Variants in MMD2 observed in about 807,000 individuals in gnomAD.
MMD2 encodes the protein monocyte to macrophage differentiation factor 2.
Under a neutral mutation model 33.5 loss-of-function variants are expected in MMD2, and 30 were observed. The observed-to-expected ratio is 0.90, with a 90% CI of 0.67 to 1.22. MMD2 has a LOEUF of 1.22. Among genes scored for constraint, MMD2 ranks in the 50% most tolerant of loss-of-function variants. The pLI is 0.00. For synonymous variants in MMD2, 129 were observed against 123.0 expected (o/e 1.05, Z -0.32); for missense variants, 364 against 325.4 (o/e 1.12, Z -0.91).
rs560237234 is a variant in MMD2, at chr7:4,946,226, T to C, written c.47+12745A>G. Among the ~76,000 whole-genome samples the C allele has an allele frequency of 1.1e-4, 16 of 145,624 alleles. No individual in the cohort carries two copies. The highest frequency in any genetic ancestry group is 7.5e-4 in the Admixed American group (11 of 14,616). On this transcript the variant is annotated intron_variant, in intron 1 of 6. Transcript: ENST00000401401. This position sits in a 1 kb window ranked among gnomAD's most constrained non-coding sequence, Gnocchi z 5.0. ...ACACGCATGCACACACATGCACACA[T>C]ACACGCACACACACGCACACCCCAC...
At chr7:4,930,741 G>T (rs1785560768) in intron 1 of MMD2, among the ~76,000 whole-genome samples, 1 of 152,142 alleles carries the variant, frequency 6.6e-6, no homozygotes, top group Non-Finnish European at 1.5e-5. Flanking sequence ...CAGAGATTGT[G>T]GCAATGCGAA....
Position 4,946,670 on chromosome 7 carries a change from G to T in MMD2, c.47+12301C>A, listed in dbSNP as rs146196963. ...ATCAACCTAGCACCACGGGTGGCAGGTCTACCAGATATCTCCCAGTAAGAT... is the reference window on the plus strand; with the variant it reads ...ATCAACCTAGCACCACGGGTGGCAGTTCTACCAGATATCTCCCAGTAAGAT... On this transcript the variant is annotated intron_variant, in intron 1 of 6. Coordinates refer to ENST00000401401, the MANE Select transcript of MMD2 (RefSeq NM_198403.4). The surrounding 1 kb of genome is among the most constrained non-coding windows in gnomAD (Gnocchi z 5.0). 2.4e-3 allele frequency among the ~76,000 whole-genome samples: 368 copies of T among 152,218 alleles called. 1 individual carries two copies. The highest frequency in any genetic ancestry group is 8.3e-3 in the African/African-American group (345 of 41,532).
chr7:4,909,417 G>T (rs1306105726), intron 6 of MMD2, among the ~76,000 whole-genome samples: 2 of 145,980 alleles, frequency 1.4e-5, no homozygotes, highest in Non-Finnish European at 3.0e-5. Flanking sequence ...GCAGCACAGG[G>T]AGATCCTGCC....
chr7:4,902,963 T>C (rs1784813898), downstream of MMD2, among the ~76,000 whole-genome samples: 1 of 151,978 alleles, frequency 6.6e-6, no homozygotes. Flanking sequence ...GAGTTTGGGA[T>C]ATGGTGGCTC....
chr7:4,920,431 C>T (rs879606628), intron 2 of MMD2, 100 bp from the exon 3 acceptor site: 158 of 1,242,968 alleles, frequency 1.3e-4, no homozygotes, highest in Non-Finnish European at 1.7e-4. Context: ...TGGCAGCACT[C>T]GGCTCTTGAA....
chr7:4,904,257 T>A (rs986808725), downstream of MMD2, among the ~76,000 whole-genome samples: 3 of 152,158 alleles, frequency 2.0e-5, no homozygotes, highest in Non-Finnish European at 4.4e-5. Context: ...ACACACCCGG[T>A]GCGCAGCCTA....
At chr7:4,944,635 A>G (rs889642134) in intron 1 of MMD2, among the ~76,000 whole-genome samples, 1 of 152,302 alleles carries the variant, frequency 6.6e-6, no homozygotes, top group Admixed American at 6.5e-5. Flanking sequence ...GTGCCATCAC[A>G]GAGCCAAGAA....
intron 1 of MMD2, among the ~76,000 whole-genome samples, chr7:4,957,007 A>G (rs1246568971): frequency 6.6e-6 from 1 of 151,856 alleles, no homozygotes; most frequent in Non-Finnish European, 1.5e-5. Context: ...CTCTATTAAA[A>G]ATACAAAAGT....
At chr7:4,933,271 A>G (rs1785642663) in intron 1 of MMD2, among the ~76,000 whole-genome samples, 3 of 152,142 alleles carry the variant, frequency 2.0e-5, no homozygotes, top group African/African-American at 4.8e-5. Context: ...CCGAGGCAAG[A>G]GGATCACTTG....
chr7:4,958,855 G>T, intron 1 of MMD2, 116 bp downstream of exon 1: 1 of 920,876 alleles, frequency 1.1e-6, no homozygotes, highest in Non-Finnish European at 1.4e-6. Flanking sequence ...TCAGGGGTCC[G>T]CCGATCCCCT....
intron 1 of MMD2, among the ~76,000 whole-genome samples, chr7:4,956,317 T>G (rs1279913864): frequency 6.6e-6 from 1 of 151,750 alleles, no homozygotes; most frequent in Non-Finnish European, 1.5e-5. Context: ...TCCCAGCTAC[T>G]CAGGAGGCTG....
At chr7:4,899,515 G>C in the MMD2 span, among the ~76,000 whole-genome samples, 5 of 152,008 alleles carry the variant, frequency 3.3e-5, no homozygotes, top group African/African-American at 9.7e-5. Flanking sequence ...AGCCTCCCGC[G>C]TACCTGGGAT....
chr7:4,944,918 C>G (rs2115147730), intron 1 of MMD2, among the ~76,000 whole-genome samples: 1 of 151,664 alleles, frequency 6.6e-6, no homozygotes, highest in African/African-American at 2.4e-5. Flanking sequence ...CAGGCGCCCG[C>G]CACCATGCCT....
intron 2 of MMD2, 130 bp from the exon 3 acceptor site, chr7:4,920,461 A>C: frequency 1.2e-6 from 1 of 822,354 alleles, no homozygotes; most frequent in Non-Finnish European, 1.9e-6. Context: ...GTGCCACTGA[A>C]GAACGGAATC....
intron 1 of MMD2, among the ~76,000 whole-genome samples, chr7:4,937,696 C>G (rs1785780850): frequency 1.3e-5 from 2 of 152,114 alleles, no homozygotes; most frequent in South Asian, 4.1e-4. Context: ...TTTGTAGAGA[C>G]AGAATCTCGC....
Position 4,948,591 on chromosome 7 carries a change from C to T in MMD2, c.47+10380G>A, listed in dbSNP as rs543157457. Among the ~76,000 whole-genome samples the T allele has an allele frequency of 1.5e-4, 23 of 151,888 alleles. No individual in the cohort carries two copies. In the Middle Eastern group the frequency reaches 0.01, roughly 68 times the overall value. On this transcript the variant is annotated intron_variant, in intron 1 of 6. Coordinates refer to ENST00000401401, the MANE Select transcript of MMD2 (RefSeq NM_198403.4). ...TCCTCAATGTGATAGTATTAGGAGG[C>T]GGGGCCTCTGGAAAATGACAAGGTC...
chr7:4,934,746 T>C lies in MMD2; in HGVS notation c.48-9214A>G, dbSNP rs542236224. 2.0e-5 allele frequency among the ~76,000 whole-genome samples: 3 copies of C among 152,256 alleles called. No homozygotes were observed. The East Asian group carries it at 5.8e-4, about 29-fold the overall frequency. Reference sequence around the variant, plus strand: ...CCCTGAACTTGAGGAGGTACAGGCTTTGGAGCTTGGCACTGTTGGGCAGAA... The same window carrying C: ...CCCTGAACTTGAGGAGGTACAGGCTCTGGAGCTTGGCACTGTTGGGCAGAA... On this transcript the variant is annotated intron_variant, in intron 1 of 6. Transcript: ENST00000401401.
intron 1 of MMD2, among the ~76,000 whole-genome samples, chr7:4,951,074 G>C (rs1046733182): frequency 6.6e-5 from 10 of 151,918 alleles, no homozygotes; most frequent in African/African-American, 2.4e-4. Context: ...GTAGGTCTAG[G>C]GGCCTGATGT....
At chr7:4,936,825 C>A (rs1488425925) in intron 1 of MMD2, among the ~76,000 whole-genome samples, 1 of 152,052 alleles carries the variant, frequency 6.6e-6, no homozygotes. Context: ...ACTTCCGCCT[C>A]CCGGGTTCAA....
Sources: gnomAD v4.1 joint callset for allele counts (sites outside exome capture counted in the v4.1 genomes callset) on GRCh38, gnomAD v4.1.1 for gene constraint, Gnocchi (gnomAD v3.1) non-coding constraint, MANE v1.5 for transcripts, NCBI Gene and HGNC (gene_info 2026-07-23, HGNC 2026-07-21) for gene names.